Variants in SESTD1 observed in about 807,000 individuals in gnomAD.
The protein encoded by SESTD1 is SEC14 domain and spectrin repeat-containing protein 1.
A neutral mutation model predicts 101.7 loss-of-function variants in SESTD1; 43 were observed. That is an observed-to-expected ratio of 0.42 (90% CI 0.33 to 0.55). The LOEUF is 0.55. SESTD1 is among the 20% of genes least tolerant of loss of function. The pLI is 0.07. For synonymous variants in SESTD1, 283 were observed against 286.8 expected (o/e 0.99, Z 0.13); for missense variants, 647 against 815.1 (o/e 0.79, Z 2.51).
chr2:179,115,379 T>A, intron 15 of SESTD1, 123 bp from the exon 16 acceptor site: 1 of 658,378 alleles, frequency 1.5e-6, no homozygotes, highest in Non-Finnish European at 2.5e-6. Flanking sequence ...ACTGAATAAA[T>A]CTAGTGGCAC....
intron 5 of SESTD1, 128 bp from the exon 6 acceptor site, chr2:179,151,519 C>T (rs2045529897): frequency 5.8e-6 from 3 of 515,182 alleles, no homozygotes; most frequent in Non-Finnish European, 9.9e-6. Flanking sequence ...TTATCATTTA[C>T]TTAATACAAT....
intron 1 of SESTD1, among the ~76,000 whole-genome samples, chr2:179,232,226 C>A (rs2046998741): frequency 7.2e-6 from 1 of 139,680 alleles, no homozygotes; most frequent in South Asian, 2.4e-4. Context: ...TGGCATTCTA[C>A]CTCAAAATTA....
intron 1 of SESTD1, among the ~76,000 whole-genome samples, chr2:179,241,705 G>A (rs112860525): frequency 0.057 from 8,695 of 152,034 alleles, 311 homozygotes; most frequent in South Asian, 0.11. Flanking sequence ...GGCAGATCAC[G>A]AGGTCAGGAG....
Position 179,186,020 on chromosome 2 carries a change from A to G in SESTD1, c.56-2832T>C, listed in dbSNP as rs116123926. 9.8e-3 allele frequency among the ~76,000 whole-genome samples: 1,429 copies of G among 145,248 alleles called. 26 individuals carry two copies. The highest frequency in any genetic ancestry group is 0.035 in the African/African-American group (1,371 of 39,598). ...TATAATACAGCATATACAATATAGTATATTACATACAGTATATAATATAGC... is the reference window on the plus strand; with the variant it reads ...TATAATACAGCATATACAATATAGTGTATTACATACAGTATATAATATAGC... On this transcript the variant is annotated intron_variant, in intron 2 of 17. Transcript: ENST00000428443.
intron 2 of SESTD1, 94 bp from the exon 3 acceptor site, chr2:179,183,282 T>C (rs2046150175): frequency 4.0e-6 from 3 of 742,924 alleles, no homozygotes; most frequent in South Asian, 6.3e-5. Context: ...AAAATAATGA[T>C]AAGTTTAAGA....
intron 3 of SESTD1, among the ~76,000 whole-genome samples, chr2:179,178,374 T>C (rs905333104): frequency 2.6e-5 from 4 of 152,138 alleles, no homozygotes; most frequent in African/African-American, 7.2e-5. Context: ...CTCATGTCTC[T>C]AATCCCAGCA....
At chr2:179,168,712 T>C (rs1486942526) in intron 5 of SESTD1, among the ~76,000 whole-genome samples, 1 of 152,204 alleles carries the variant, frequency 6.6e-6, no homozygotes, top group Non-Finnish European at 1.5e-5. Context: ...AAACGAAGAA[T>C]GCCAGAAATG....
intron 1 of SESTD1, among the ~76,000 whole-genome samples, chr2:179,233,763 T>C (rs2047020286): frequency 6.6e-6 from 1 of 152,186 alleles, no homozygotes; most frequent in East Asian, 1.9e-4. Context: ...GTATTCATAG[T>C]TTTTATACAG....
Position 179,109,438 on chromosome 2 carries a change from TAATC to T in SESTD1, c.*457_*460del, listed in dbSNP as rs1178656444. On this transcript the variant is annotated 3_prime_UTR_variant, in exon 18 of 18. Transcript: ENST00000428443. ...TTTCTCTGTATTGACACAATAAAAA[TAATC>T]AATTCTGAAGAATTACAAAGTAAAA... The T allele has an allele frequency of 2.4e-5, 8 of 336,448 alleles. No individual in the cohort carries two copies. The highest frequency in any genetic ancestry group is 1.1e-5 in the Non-Finnish European group (2 of 187,714). The allele number at this position is 336,448 out of a possible 1,614,324, so 20.8% of individuals were successfully genotyped here.
chr2:179,251,178 CAAT>C (rs1408341517), intron 1 of SESTD1, among the ~76,000 whole-genome samples: 2 of 152,062 alleles, frequency 1.3e-5, no homozygotes, highest in Non-Finnish European at 2.9e-5. Context: ...AATATATATA[CAAT>C]AAGATCCCAT....
At chr2:179,117,457 C>A (rs1301672909) in intron 14 of SESTD1, 75 bp downstream of exon 14, 2 of 1,314,012 alleles carry the variant, frequency 1.5e-6, no homozygotes, top group African/African-American at 1.5e-5. Flanking sequence ...ATGAAAAGTA[C>A]ACTTTTGTTT....
chr2:179,246,790 A>G (rs2047237542), intron 1 of SESTD1, among the ~76,000 whole-genome samples: 1 of 152,234 alleles, frequency 6.6e-6, no homozygotes, highest in African/African-American at 2.4e-5. Flanking sequence ...GAAATCAATA[A>G]CAGAAAGATA....
In SESTD1 at chr2:179,218,869, A is replaced by G. The variant is rs181054741; in HGVS notation, c.-25-27003T>C. Among the ~76,000 whole-genome samples the G allele has an allele frequency of 2.9e-3, 441 of 152,376 alleles. 1 individual carries two copies. The highest frequency in any genetic ancestry group is 4.5e-3 in the Non-Finnish European group (304 of 68,038). ...TATACTTAGAACCTAACAGATTGAC[A>G]GAAGTCCAGGCAGTGGACATTTCTG... On this transcript the variant is annotated intron_variant, in intron 1 of 17. Coordinates refer to ENST00000428443, the MANE Select transcript of SESTD1 (RefSeq NM_178123.5).
At chr2:179,224,442 CTG>C (rs1450296123) in intron 1 of SESTD1, among the ~76,000 whole-genome samples, 1 of 152,162 alleles carries the variant, frequency 6.6e-6, no homozygotes, top group Non-Finnish European at 1.5e-5. Context: ...GAAATATACT[CTG>C]TATTTTGTCT....
rs369664279 is a variant in SESTD1, at chr2:179,152,882, T to A, written c.370-1491A>T. Among the ~76,000 whole-genome samples, 11 of 151,866 alleles carry A rather than the reference T, an allele frequency of 7.2e-5. No homozygotes were observed. The South Asian group carries it at 2.3e-3, about 32-fold the overall frequency. On this transcript the variant is annotated intron_variant, in intron 5 of 17. Transcript: ENST00000428443. ...AAGTCAGGAGAGGAAAAAGACAGAATAAGTCCAAAGAAAATAGAAGAAAGG... is the reference window on the plus strand; with the variant it reads ...AAGTCAGGAGAGGAAAAAGACAGAAAAAGTCCAAAGAAAATAGAAGAAAGG...
chr2:179,258,857 C>T (rs1353959440), intron 1 of SESTD1, among the ~76,000 whole-genome samples: 2 of 152,166 alleles, frequency 1.3e-5, no homozygotes, highest in Admixed American at 1.3e-4. Flanking sequence ...TACTCTTAAG[C>T]ACTGGCATTG....
chr2:179,132,322 C>G lies in SESTD1; in HGVS notation c.954G>C (p.Glu318Asp). 1 of 1,554,746 alleles carries G rather than the reference C, an allele frequency of 6.4e-7. No homozygotes were observed. Among genetic ancestry groups the G allele is most frequent in the Non-Finnish European group, 8.6e-7 (1 of 1,162,570 alleles). Residue 318 changes from glutamate to aspartate, a missense_variant, in exon 10 of 18, where the codon GAG becomes GAC. This residue lies in a region of SESTD1 where 476 missense variants were observed against 562.6 expected (regional missense o/e 0.85). Transcript: ENST00000428443. ...CTCTCACACTGTGCTGGCTCTCAAT[C>G]TCTTCGTGTTTCTGCTGTAGGGCCT... is the stretch of plus-strand genomic sequence containing the variant. ...ASQALQQKHE[E>D]IESQHSEWFA...
At position 179,179,703 on chromosome 2, in the gene SESTD1, T is replaced by C. The variant is rs1269047733; in HGVS notation, c.165-3165A>G. ...AAATATGGAGTGCCTTTAATAATGT[T>C]AGATGACACACATCACATCACTCCT... is the stretch of plus-strand genomic sequence containing the variant. On this transcript the variant is annotated intron_variant, in intron 3 of 17. Coordinates refer to ENST00000428443, the MANE Select transcript of SESTD1 (RefSeq NM_178123.5). Among the ~76,000 whole-genome samples, 5 of 152,212 alleles carry C rather than the reference T, an allele frequency of 3.3e-5. 1 individual carries two copies. The highest frequency in any genetic ancestry group is 9.6e-5 in the African/African-American group (4 of 41,454).
rs2044392805 is a variant in SESTD1, at chr2:179,106,837, T to A, written c.*3062A>T. The A allele has an allele frequency of 6.6e-6, 1 of 151,986 alleles. No homozygotes were observed. The highest frequency in any genetic ancestry group is 2.4e-5 in the African/African-American group (1 of 41,368). 9.4% of individuals were successfully genotyped at this position (151,986 alleles called of 1,614,324 possible). A position where few individuals can be genotyped will look rare whatever the true frequency, so the allele number is the denominator to read the frequency against. ...AAAGCCAATTTGACCTAAAATGAAG[T>A]CATCATTTTTGCATAACTCTGCTGG... On this transcript the variant is annotated 3_prime_UTR_variant, in exon 18 of 18. Coordinates refer to ENST00000428443, the MANE Select transcript of SESTD1 (RefSeq NM_178123.5).
Sources: gnomAD v4.1 joint callset for allele counts (sites outside exome capture counted in the v4.1 genomes callset) on GRCh38, gnomAD v4.1.1 for gene constraint, gnomAD v4.1.1 regional missense constraint, MANE v1.5 for transcripts, NCBI Gene and HGNC (gene_info 2026-07-23, HGNC 2026-07-21) for gene names.